The following C2orf76 variants were observed in gnomAD, a reference collection of about 807,000 sequenced individuals.
C2orf76 encodes the protein UPF0538 protein C2orf76.
C2orf76 carries 23 observed loss-of-function variants against 16.9 expected under a neutral mutation model. That is an observed-to-expected ratio of 1.36 (90% confidence interval 0.98 to 1.93). The LOEUF (loss-of-function observed/expected upper bound fraction) is 1.93. C2orf76 is among the 30% of genes most tolerant of loss of function. The pLI is 0.00. For missense variants in C2orf76, 152 were observed against 152.6 expected (o/e 1.00, Z 0.02); for synonymous variants, 48 against 52.3 (o/e 0.92, Z 0.35).
the C2orf76 span, among the ~76,000 whole-genome samples, chr2:119,281,797 G>C: frequency 6.6e-6 from 1 of 152,114 alleles, no homozygotes; most frequent in South Asian, 2.1e-4. Context: ...AACAGAGAGA[G>C]GGAAGCAAGT....
chr2:119,361,895 CAGATCTTTTT>C, intron 1 of C2orf76, among the ~76,000 whole-genome samples: 1 of 152,230 alleles, frequency 6.6e-6, no homozygotes, highest in East Asian at 1.9e-4. Context: ...AGCATGTCAG[CAGATCTTTTT>C]TTCTTTGAGG....
At chr2:119,366,095 T>C (rs1337145498) in intron 1 of C2orf76, among the ~76,000 whole-genome samples, 1 of 152,054 alleles carries the variant, frequency 6.6e-6, no homozygotes, top group Admixed American at 6.5e-5. Flanking sequence ...CATTTAAAAC[T>C]ATAAACTTCC....
chr2:119,297,786 C>G (rs570516237), downstream of C2orf76, among the ~76,000 whole-genome samples: 1 of 152,262 alleles, frequency 6.6e-6, no homozygotes, highest in East Asian at 1.9e-4. Flanking sequence ...TGTGAGCCAC[C>G]ATGCCTGGAC....
At chr2:119,357,502 G>A (rs979791075) in intron 1 of C2orf76, among the ~76,000 whole-genome samples, 1 of 151,548 alleles carries the variant, frequency 6.6e-6, no homozygotes, top group Non-Finnish European at 1.5e-5. Context: ...AAACTTCAAT[G>A]GAGACTCAAC....
At chr2:119,342,814 G>A (rs951151559) in intron 1 of C2orf76, among the ~76,000 whole-genome samples, 3 of 152,068 alleles carry the variant, frequency 2.0e-5, no homozygotes, top group Non-Finnish European at 4.4e-5. Context: ...AGGCTGGAGT[G>A]CGGTGGTGCC....
the C2orf76 span, among the ~76,000 whole-genome samples, chr2:119,286,818 C>T: frequency 0.32 from 49,307 of 151,844 alleles, 8,252 homozygotes; most frequent in Non-Finnish European, 0.38. Flanking sequence ...AGGGCAATGG[C>T]GGTGGGAAGG....
the C2orf76 span, among the ~76,000 whole-genome samples, chr2:119,289,484 G>A: frequency 1.3e-5 from 2 of 152,042 alleles, no homozygotes; most frequent in African/African-American, 2.4e-5. Flanking sequence ...TCAAGTGATC[G>A]AGACCATCCT....
At chr2:119,332,060 C>T (rs1196810448) in intron 2 of C2orf76, among the ~76,000 whole-genome samples, 1 of 152,004 alleles carries the variant, frequency 6.6e-6, no homozygotes, top group Admixed American at 6.6e-5. Context: ...AACAAATATA[C>T]TACTGAAAAT....
Position 119,311,157 on chromosome 2 carries a change from AC to A in C2orf76, c.304+464del, listed in dbSNP as rs1678972884. On this transcript the variant is annotated intron_variant, in intron 5 of 5. Transcript: ENST00000334816. ...AATCAGGTACTTTTCAGCTGCACAC[AC>A]CAGGTTCCTATTTTAAATTCCATGC... 3.0e-6 allele frequency: 3 copies of A among 985,322 alleles called. No individual in the cohort carries two copies. In the Admixed American group the frequency reaches 1.8e-4, roughly 61 times the overall value. 61.0% of individuals were successfully genotyped at this position (985,322 alleles called of 1,614,324 possible). A position where few individuals can be genotyped will look rare whatever the true frequency, so the allele number is the denominator to read the frequency against.
the C2orf76 span, among the ~76,000 whole-genome samples, chr2:119,288,158 ATTT>A: frequency 7.1e-6 from 1 of 140,240 alleles, no homozygotes; most frequent in African/African-American, 2.7e-5. Context: ...TTATACTTCA[ATTT>A]TTTTTTTTTT....
rs529779141 is a variant in C2orf76 at position 119,317,711 on chromosome 2, C to A, written c.185-208G>T. Among the ~76,000 whole-genome samples, 11 of 145,944 alleles carry A rather than the reference C, an allele frequency of 7.5e-5. No homozygotes were observed. In the South Asian group the frequency reaches 2.3e-3, roughly 31 times the overall value. ...AGTAAAAGATCTTTATCTTTTAAAG[C>A]CTTGGTCTTTGACACACAGCAGTGT... On this transcript the variant is annotated intron_variant, in intron 3 of 5. Coordinates refer to ENST00000334816, the MANE Select transcript of C2orf76 (RefSeq NM_001322331.2).
chr2:119,329,222 G>A (rs1019595908), intron 2 of C2orf76, among the ~76,000 whole-genome samples: 1 of 152,028 alleles, frequency 6.6e-6, no homozygotes, highest in Non-Finnish European at 1.5e-5. Flanking sequence ...TCTGTTGTTA[G>A]GTGCATCGTT....
chr2:119,323,759 A>C (rs1679421792), intron 2 of C2orf76, among the ~76,000 whole-genome samples: 1 of 152,234 alleles, frequency 6.6e-6, no homozygotes, highest in Non-Finnish European at 1.5e-5. Flanking sequence ...ATCTGAGAGC[A>C]TGCGCCCATC....
At chr2:119,311,565 G>C in intron 5 of C2orf76, 57 bp downstream of exon 5, 3 of 1,579,112 alleles carry the variant, frequency 1.9e-6, no homozygotes, top group Non-Finnish European at 2.6e-6. Context: ...CATCAGCCAG[G>C]CCTCAGGATA....
chr2:119,291,858 C>T, the C2orf76 span, among the ~76,000 whole-genome samples: 5 of 152,016 alleles, frequency 3.3e-5, no homozygotes, highest in Non-Finnish European at 5.9e-5. Context: ...AGTCAGGCAC[C>T]GAGCTAGGTC....
intron 1 of C2orf76, among the ~76,000 whole-genome samples, chr2:119,353,719 C>T (rs1010164093): frequency 1.2e-4 from 19 of 152,054 alleles, no homozygotes; most frequent in Admixed American, 2.6e-4. Context: ...CACGCTGCCA[C>T]GCCTGGCTAA....
the C2orf76 span, among the ~76,000 whole-genome samples, chr2:119,282,771 A>G: frequency 6.6e-6 from 1 of 152,266 alleles, no homozygotes; most frequent in East Asian, 1.9e-4. Context: ...GTTCAACAGC[A>G]GAACAACAAA....
At chr2:119,299,571 G>T (rs1164848792), downstream of C2orf76, among the ~76,000 whole-genome samples, 3 of 151,982 alleles carry the variant, frequency 2.0e-5, no homozygotes, top group African/African-American at 7.3e-5. Context: ...GTGTCAGCAG[G>T]GCTCTGCTCC....
At chr2:119,349,811 C>A (rs1680324104) in intron 1 of C2orf76, among the ~76,000 whole-genome samples, 1 of 152,176 alleles carries the variant, frequency 6.6e-6, no homozygotes, top group African/African-American at 2.4e-5. Flanking sequence ...TCGATGTCAT[C>A]TGTTTTAGAG....
Sources: allele counts gnomAD v4.1 joint callset (sites outside exome capture counted in the v4.1 genomes callset), GRCh38; gene constraint gnomAD v4.1.1; transcripts MANE v1.5; gene names NCBI Gene and HGNC (gene_info 2026-07-23, HGNC 2026-07-21).